The following ZC3H12B variants were observed in gnomAD, a reference collection of about 807,000 sequenced individuals.
ZC3H12B encodes probable ribonuclease ZC3H12B.
ZC3H12B carries 7 observed loss-of-function variants against 43.9 expected under a neutral mutation model. That is an observed-to-expected ratio of 0.16 (90% CI 0.09 to 0.30). The LOEUF (loss-of-function observed/expected upper bound fraction) is 0.30. Among genes scored for constraint, ZC3H12B ranks in the 10% least tolerant of loss-of-function variants. The pLI is 1.00. For missense variants in ZC3H12B, 475 were observed against 670.2 expected (o/e 0.71, Z 3.22); for synonymous variants, 222 against 241.7 (o/e 0.92, Z 0.76).
the ZC3H12B span, among the ~76,000 whole-genome samples, chrX:65,210,992 G>T: frequency 7.4e-4 from 46 of 62,201 alleles, no homozygotes; most frequent in African/African-American, 3.1e-3. Context: ...AGTGGGTGCA[G>T]TGCACCAGCA....
chrX:65,295,381 C>T, the ZC3H12B span, among the ~76,000 whole-genome samples: 1 of 111,282 alleles, frequency 9.0e-6, no homozygotes, highest in South Asian at 3.7e-4. Context: ...CACAACTTAT[C>T]AAAACCTCTG....
At chrX:65,476,642 C>G (rs2067994963) in intron 3 of ZC3H12B, among the ~76,000 whole-genome samples, 1 of 111,152 alleles carries the variant, frequency 9.0e-6, no homozygotes, top group African/African-American at 3.3e-5. Flanking sequence ...AGTGTAATCT[C>G]AGAACTGTCA....
chrX:65,059,220 C>T, the ZC3H12B span, among the ~76,000 whole-genome samples: 1 of 43,044 alleles, frequency 2.3e-5, no homozygotes, highest in East Asian at 9.8e-4. Context: ...CTTGGAACCA[C>T]CCCCCCCCCG....
intron 2 of ZC3H12B, among the ~76,000 whole-genome samples, chrX:65,369,991 A>C (rs2066223838): frequency 9.0e-6 from 1 of 111,512 alleles, no homozygotes; most frequent in African/African-American, 3.3e-5. Context: ...TTATGCCTGC[A>C]ATCGCAGCAT....
the ZC3H12B span, among the ~76,000 whole-genome samples, chrX:65,080,264 A>G: frequency 9.2e-6 from 1 of 108,759 alleles, no homozygotes; most frequent in Non-Finnish European, 1.9e-5. Flanking sequence ...GTAGCTATTG[A>G]CCTTAACGAA....
At chrX:65,458,766 G>A (rs1004464680) in intron 3 of ZC3H12B, among the ~76,000 whole-genome samples, 2 of 111,594 alleles carry the variant, frequency 1.8e-5, no homozygotes, top group African/African-American at 6.5e-5. Context: ...AGGAAGGATC[G>A]AAAATTGACA....
the ZC3H12B span, among the ~76,000 whole-genome samples, chrX:65,276,956 C>T: frequency 9.0e-6 from 1 of 111,300 alleles, no homozygotes; most frequent in East Asian, 2.8e-4. Context: ...AAACAAGACC[C>T]AACTATATTC....
At chrX:65,095,974 C>G in the ZC3H12B span, among the ~76,000 whole-genome samples, 1 of 110,793 alleles carries the variant, frequency 9.0e-6, no homozygotes, top group Non-Finnish European at 1.9e-5. Flanking sequence ...TTATGTCCAC[C>G]TTTCAACAAA....
the ZC3H12B span, among the ~76,000 whole-genome samples, chrX:65,131,264 C>T: frequency 9.0e-6 from 1 of 110,981 alleles, no homozygotes; most frequent in Non-Finnish European, 1.9e-5. Flanking sequence ...TGTGGTGGAA[C>T]TGCCATCAAT....
the ZC3H12B span, among the ~76,000 whole-genome samples, chrX:65,146,634 C>A: frequency 2.7e-5 from 3 of 111,696 alleles, no homozygotes; most frequent in East Asian, 2.8e-4. Context: ...TATTCAGATT[C>A]TTTTGTCTCA....
chrX:65,458,063 AAAAAAAAAAAAAAAAAAAAATT>A (rs1462440854), intron 3 of ZC3H12B, among the ~76,000 whole-genome samples: 3 of 53,280 alleles, frequency 5.6e-5, no homozygotes, highest in Admixed American at 5.1e-4. Context: ...AATGATCAAT[AAAAAAAAAAAAAAAAAAAAATT>A]AAAAAAAAAA....
the ZC3H12B span, among the ~76,000 whole-genome samples, chrX:65,119,871 C>A: frequency 1.1e-4 from 12 of 111,807 alleles, no homozygotes; most frequent in African/African-American, 3.6e-4. Context: ...ATATGGCTAG[C>A]CAGTTTTCCT....
intron 2 of ZC3H12B, among the ~76,000 whole-genome samples, chrX:65,390,668 A>G (rs1175645040): frequency 9.2e-6 from 1 of 108,132 alleles, no homozygotes. Context: ...TATCTTCTAG[A>G]CCATTAAAAA....
the ZC3H12B span, among the ~76,000 whole-genome samples, chrX:65,158,841 C>A: frequency 8.9e-6 from 1 of 111,843 alleles, no homozygotes; most frequent in African/African-American, 3.2e-5. Context: ...ACATAAAGTC[C>A]TTGCCCATGC....
the ZC3H12B span, among the ~76,000 whole-genome samples, chrX:65,274,345 T>C: frequency 9.0e-6 from 1 of 110,597 alleles, no homozygotes; most frequent in Non-Finnish European, 1.9e-5. Flanking sequence ...CAGCACCATT[T>C]TGAGACCAGA....
At chrX:65,101,151 C>T in the ZC3H12B span, among the ~76,000 whole-genome samples, 1 of 111,629 alleles carries the variant, frequency 9.0e-6, no homozygotes, top group Non-Finnish European at 1.9e-5. Flanking sequence ...GACTACTGGG[C>T]ACATAATGAA....
chrX:65,148,020 G>T, the ZC3H12B span, among the ~76,000 whole-genome samples: 3 of 110,620 alleles, frequency 2.7e-5, no homozygotes, highest in Admixed American at 1.9e-4. Context: ...CTGGAGGCTG[G>T]TCAAGCACTG....
rs1482769308 is a variant in ZC3H12B at position 65,408,535 on chromosome X, G to T, written n.407+9831G>T. The T allele has an allele frequency of 1.7e-5, 20 of 1,203,077 alleles. No individual in the cohort carries two copies. The Middle Eastern group carries it at 6.9e-4, about 42-fold the overall frequency. On this transcript the variant is annotated intron_variant and non_coding_transcript_variant, in intron 3 of 5. Transcript: ENST00000617377. ...TTACGCCTCACCCTTCGGGACTTCA[G>T]CCTCCTGGAATCCCGCCCCTCGGGG...
intron 3 of ZC3H12B, among the ~76,000 whole-genome samples, chrX:65,471,880 TG>T (rs781295895): frequency 8.9e-6 from 1 of 112,038 alleles, no homozygotes; most frequent in South Asian, 3.7e-4. Flanking sequence ...TTAGATGTTT[TG>T]TTTTCTTCAT....
Sources: allele counts gnomAD v4.1 joint callset (sites outside exome capture counted in the v4.1 genomes callset), GRCh38; gene constraint gnomAD v4.1.1; transcripts MANE v1.5; gene names NCBI Gene and HGNC (gene_info 2026-07-23, HGNC 2026-07-21).